CYP4F3: variants seen among roughly 807,000 people sequenced by gnomAD.
CYP4F3 encodes cytochrome P450 4F3.
A neutral mutation model predicts 54.8 loss-of-function variants in CYP4F3; 50 were observed. That is an observed-to-expected ratio of 0.91 (90% CI 0.73 to 1.16). CYP4F3 has a LOEUF of 1.16. CYP4F3 is among the 50% of genes most tolerant of loss of function. The pLI, the probability that CYP4F3 is intolerant of heterozygous loss-of-function variation, is 0.00. For missense variants in CYP4F3, 715 were observed against 676.2 expected (o/e 1.06, Z -0.64); for synonymous variants, 244 against 262.6 (o/e 0.93, Z 0.69).
Position 15,659,355 on chromosome 19 carries a change from A to T in CYP4F3, c.1533A>T (p.Gly511=), listed in dbSNP as rs565073290. The change falls in exon 13 of 13, where the codon GGA becomes GGT. Residue 511 remains glycine, a synonymous_variant. Coordinates refer to ENST00000221307, the MANE Select transcript of CYP4F3 (RefSeq NM_000896.3). ...KPELVLRAEG[G]LWLRVEPLS ...AGCTGGTCCTGCGCGCAGAGGGCGG[A>T]CTTTGGCTGCGGGTGGAGCCCCTGA... 1 of 1,612,928 alleles carries T rather than the reference A, an allele frequency of 6.2e-7. No homozygotes were observed. Among genetic ancestry groups the T allele is most frequent in the African/African-American group, 1.3e-5 (1 of 74,868 alleles).
intron 2 of CYP4F3, among the ~76,000 whole-genome samples, chr19:15,643,415 T>C (rs1371418612): frequency 7.5e-6 from 1 of 133,114 alleles, no homozygotes; most frequent in Admixed American, 7.3e-5. Flanking sequence ...AATAGATAGA[T>C]AGATAGATAG....
chr19:15,658,005 TG>T (rs1973072450), intron 9 of CYP4F3, among the ~76,000 whole-genome samples: 1 of 152,148 alleles, frequency 6.6e-6, no homozygotes, highest in Admixed American at 6.5e-5. Flanking sequence ...TTGTTTAGGG[TG>T]GGTGGGGGCC....
In CYP4F3 at chr19:15,656,306, C is replaced by T. The variant is rs1032439928; in HGVS notation, c.1116-1958C>T. 1.5e-4 allele frequency among the ~76,000 whole-genome samples: 23 copies of T among 150,534 alleles called. 1 individual carries two copies. The highest frequency in any genetic ancestry group is 1.1e-3 in the South Asian group (5 of 4,740). On this transcript the variant is annotated intron_variant, in intron 9 of 12. Coordinates refer to ENST00000221307, the MANE Select transcript of CYP4F3 (RefSeq NM_000896.3). Reference sequence around the variant, plus strand: ...TGTGTATATATATATATATATACACCACATGGAAAAACAACATTAAATTAC... The same window carrying T: ...TGTGTATATATATATATATATACACTACATGGAAAAACAACATTAAATTAC...
chr19:15,653,152 G>A (rs1306626273), intron 9 of CYP4F3, among the ~76,000 whole-genome samples, 200 bp downstream of exon 9: 1 of 152,104 alleles, frequency 6.6e-6, no homozygotes, highest in Non-Finnish European at 1.5e-5. Flanking sequence ...AGAAAGACCT[G>A]GGCTTCTGAG....
chr19:15,653,560 C>T (rs150475862), intron 9 of CYP4F3, among the ~76,000 whole-genome samples: 131 of 152,204 alleles, frequency 8.6e-4, no homozygotes, highest in African/African-American at 3.1e-3. Context: ...GCAGGACAGT[C>T]CCAGCCCACG....
chr19:15,653,735 G>GGAGAGAGAGAGAGAGA (rs60874509), intron 9 of CYP4F3, among the ~76,000 whole-genome samples: 5 of 111,760 alleles, frequency 4.5e-5, no homozygotes, highest in East Asian at 2.4e-4. Flanking sequence ...AAGAGAGAGA[G>GGAGAGAGAGAGAGAGA]GAGAGAGAGA....
intron 7 of CYP4F3, among the ~76,000 whole-genome samples, chr19:15,651,067 G>C (rs1051308592): frequency 1.3e-5 from 2 of 151,598 alleles, no homozygotes; most frequent in African/African-American, 4.9e-5. Flanking sequence ...GTAGAGACGA[G>C]GTTTCACCAT....
At chr19:15,644,104 A>T in intron 2 of CYP4F3, 1 of 1,473,730 alleles carries the variant, frequency 6.8e-7, no homozygotes, top group Non-Finnish European at 9.0e-7. Flanking sequence ...GAGGCCTGCA[A>T]GTCCCTCTAT....
intron 2 of CYP4F3, chr19:15,643,958 T>C (rs1397415380): frequency 6.2e-7 from 1 of 1,606,364 alleles, no homozygotes; most frequent in Non-Finnish European, 8.5e-7. Context: ...GGTGGCCACC[T>C]ACCCCCAGGG....
At chr19:15,643,465 G>A (rs148581373) in intron 2 of CYP4F3, among the ~76,000 whole-genome samples, 3,944 of 151,758 alleles carry the variant, frequency 0.026, 188 homozygotes, top group African/African-American at 0.091. Flanking sequence ...TAGACAGACA[G>A]GCAGACAGAC....
At position 15,658,563 on chromosome 19, in the gene CYP4F3, C is replaced by T. The variant is rs561438173; in HGVS notation, c.1314+8C>T. On this transcript the variant is annotated splice_region_variant and intron_variant, in intron 11 of 12. Transcript: ENST00000221307. Reference sequence around the variant, plus strand: ...GTGTGGCCGGACCCTGAGGTGCGGGCCCCCCGTCTCTGTTTTTGTCCATTC... The same window carrying T: ...GTGTGGCCGGACCCTGAGGTGCGGGTCCCCCGTCTCTGTTTTTGTCCATTC... 2.9e-5 allele frequency: 47 copies of T among 1,613,814 alleles called. No homozygotes were observed. The highest frequency in any genetic ancestry group is 3.7e-5 in the Non-Finnish European group (44 of 1,179,934).
At chr19:15,656,284 GTATA>G (rs35085396) in intron 9 of CYP4F3, among the ~76,000 whole-genome samples, 79,287 of 150,288 alleles carry the variant, frequency 0.53, 22,044 homozygotes, top group East Asian at 0.77. Context: ...ATTCCATTGT[GTATA>G]TATATATATA....
At position 15,659,205 on chromosome 19, in the gene CYP4F3, ACC is replaced by A; in HGVS notation, c.1398-14_1398-13del. Reference sequence around the variant, plus strand: ...GCACCTGGGTGCAGTCAGAGTTTCCACCTCCCTCCCCAAGGAACTGCATCGGG... The same window carrying A: ...GCACCTGGGTGCAGTCAGAGTTTCCATCCCTCCCCAAGGAACTGCATCGGG... On this transcript the variant is annotated splice_polypyrimidine_tract_variant and intron_variant, in intron 12 of 12. Coordinates refer to ENST00000221307, the MANE Select transcript of CYP4F3 (RefSeq NM_000896.3). 1 of 1,485,084 alleles carries A rather than the reference ACC, an allele frequency of 6.7e-7. No homozygotes were observed. Among genetic ancestry groups the A allele is most frequent in the South Asian group, 1.2e-5 (1 of 81,306 alleles). The allele number at this position is 1,485,084 out of a possible 1,614,324, so 92.0% of individuals were successfully genotyped here.
intron 7 of CYP4F3, among the ~76,000 whole-genome samples, chr19:15,650,745 CCTTCCA>C (rs1599896083): frequency 1.6e-5 from 1 of 62,396 alleles, no homozygotes. Flanking sequence ...TCTTTTCCTT[CCTTCCA>C]TCTTTCTTTC....
At position 15,658,550 on chromosome 19, in the gene CYP4F3, C is replaced by T. The variant is rs572605754; in HGVS notation, c.1309C>T (p.Pro437Ser). The change falls in exon 11 of 13, where the codon CCT becomes TCT. Residue 437 changes from proline (P) to serine (S), a missense_variant. Pro to Ser is a moderately conservative substitution (Grantham distance 74). Transcript: ENST00000221307. ...THHNPAVWPD[P>S]EVYDPFRFDP... is the part of the protein sequence containing the mutation. ...TCACAACCCAGCCGTGTGGCCGGACCCTGAGGTGCGGGCCCCCCGTCTCTG... is the reference window on the plus strand; with the variant it reads ...TCACAACCCAGCCGTGTGGCCGGACTCTGAGGTGCGGGCCCCCCGTCTCTG... The T allele has an allele frequency of 1.9e-6, 3 of 1,614,176 alleles. No individual in the cohort carries two copies. Among genetic ancestry groups the T allele is most frequent in the South Asian group, 2.2e-5 (2 of 91,084 alleles).
At chr19:15,650,767 T>TC (rs1972803672) in intron 7 of CYP4F3, among the ~76,000 whole-genome samples, 1 of 115,358 alleles carries the variant, frequency 8.7e-6, no homozygotes, top group African/African-American at 3.1e-5. Flanking sequence ...CTTTCTTTCT[T>TC]TTTCTTTCGT....
rs527751293 is a variant in CYP4F3 at position 15,659,408 on chromosome 19, C to T, written c.*23C>T. On this transcript the variant is annotated 3_prime_UTR_variant, in exon 13 of 13. Transcript: ENST00000221307. ...TGAGTTCTGCAGAGACCCACTCTGA[C>T]CCCACTAAAATGACCCCTGATTCAT... 1.2e-6 allele frequency: 2 copies of T among 1,605,088 alleles called. No individual in the cohort carries two copies. Among genetic ancestry groups the T allele is most frequent in the Non-Finnish European group, 8.5e-7 (1 of 1,175,484 alleles).
chr19:15,651,739 G>A (rs1972862269), intron 7 of CYP4F3, among the ~76,000 whole-genome samples: 1 of 152,080 alleles, frequency 6.6e-6, no homozygotes, highest in Admixed American at 6.5e-5. Context: ...CTATGTCCAT[G>A]TCTATGTTTA....
intron 9 of CYP4F3, among the ~76,000 whole-genome samples, chr19:15,657,363 C>A (rs28738971): frequency 0.21 from 31,661 of 152,120 alleles, 3,602 homozygotes; most frequent in Middle Eastern, 0.27. Context: ...ATGGTGTGAT[C>A]TCAGCTTACT....
Sources: allele counts gnomAD v4.1 joint callset (sites outside exome capture counted in the v4.1 genomes callset), GRCh38; gene constraint gnomAD v4.1.1; transcripts MANE v1.5; gene names NCBI Gene and HGNC (gene_info 2026-07-23, HGNC 2026-07-21).